Variants in DPYSL2 observed in about 807,000 individuals in gnomAD.
The protein encoded by DPYSL2 is dihydropyrimidinase-related protein 2.
In DPYSL2, 13 loss-of-function variants were observed where a neutral mutation model predicts 69.9. The observed-to-expected ratio is 0.19, with a 90% CI of 0.12 to 0.30. DPYSL2 has a LOEUF of 0.30. Ranked by LOEUF, DPYSL2 falls within the 10% of genes least tolerant of loss-of-function variation. The probability of loss-of-function intolerance (pLI) is 1.00; values close to 1 mark genes in which losing one functional copy is unlikely to be tolerated. For missense variants in DPYSL2, 587 were observed against 918.9 expected, an observed-to-expected ratio of 0.64 and a Z score of 4.67; for synonymous variants, 326 against 359.1, an observed-to-expected ratio of 0.91 and a Z score of 1.04.
At position 26,614,610 on chromosome 8, in the gene DPYSL2, C is replaced by T. The variant is rs1245078449; in HGVS notation, c.629-9533C>T. The stretch of plus-strand genomic sequence containing the variant: ...TTGTTTTATAAGCGTTTTACCAGAT[C>T]TTGGCTTAACACTTCCCCCAGAGTT... On this transcript the variant is annotated intron_variant, in intron 3 of 13. Coordinates refer to ENST00000521913, the MANE Select transcript of DPYSL2 (RefSeq NM_001197293.3). This position sits in a 1 kb window ranked among gnomAD's most constrained non-coding sequence, Gnocchi z 4.9. 6.6e-6 allele frequency among the ~76,000 whole-genome samples: 1 copy of T among 152,200 alleles called. No individual in the cohort carries two copies. Among genetic ancestry groups the T allele is most frequent in the African/African-American group, 2.4e-5 (1 of 41,448 alleles).
chr8:26,574,807 G>A (rs539230869), intron 1 of DPYSL2, among the ~76,000 whole-genome samples: 3 of 152,236 alleles, frequency 2.0e-5, no homozygotes, highest in East Asian at 3.9e-4. Flanking sequence ...GCAGTGGCAC[G>A]ATCATGGCTT....
chr8:26,583,406 T>C (rs1801531678), intron 2 of DPYSL2, among the ~76,000 whole-genome samples: 1 of 152,016 alleles, frequency 6.6e-6, no homozygotes, highest in South Asian at 2.1e-4. Flanking sequence ...AAGGATATGA[T>C]AAAAATAAAT....
At position 26,624,386 on chromosome 8, in the gene DPYSL2, G is replaced by A. The variant is rs2129905071; in HGVS notation, c.793+79G>A. 1 of 1,530,476 alleles carries A rather than the reference G, an allele frequency of 6.5e-7. No individual in the cohort carries two copies. Among genetic ancestry groups the A allele is most frequent in the Non-Finnish European group, 8.9e-7 (1 of 1,125,204 alleles). 94.8% of individuals were successfully genotyped at this position (1,530,476 alleles called of 1,614,324 possible). A position where few individuals can be genotyped will look rare whatever the true frequency, so the allele number is the denominator to read the frequency against. On this transcript the variant is annotated intron_variant, in intron 4 of 13. Transcript: ENST00000521913. This position sits in a 1 kb window ranked among gnomAD's most constrained non-coding sequence, Gnocchi z 4.7. ...ACTGGCACAGCCCTGGGAAGAAAGT[G>A]ATAATGCTTCCAGATCCCATTTGTG...
intron 1 of DPYSL2, among the ~76,000 whole-genome samples, chr8:26,553,836 C>T (rs1341816852): frequency 6.6e-6 from 1 of 151,558 alleles, no homozygotes; most frequent in Non-Finnish European, 1.5e-5. Flanking sequence ...TTTATACTCC[C>T]ACCAACAGTG....
chr8:26,559,883 A>G (rs572642374), intron 1 of DPYSL2, among the ~76,000 whole-genome samples: 1 of 152,214 alleles, frequency 6.6e-6, no homozygotes, highest in Non-Finnish European at 1.5e-5. Flanking sequence ...AAGTTTCAGT[A>G]GGAAGTCAGG....
At chr8:26,528,231 C>T (rs998320679) in intron 1 of DPYSL2, among the ~76,000 whole-genome samples, 3 of 152,146 alleles carry the variant, frequency 2.0e-5, no homozygotes, top group Non-Finnish European at 4.4e-5. Flanking sequence ...GGTCCCTTTC[C>T]AGGAGTTGTG....
At chr8:26,595,051 T>A (rs62491918) in intron 3 of DPYSL2, among the ~76,000 whole-genome samples, 2,061 of 151,574 alleles carry the variant, frequency 0.014, 23 homozygotes, top group Middle Eastern at 0.068. Flanking sequence ...AATCAATCAA[T>A]AACTAAAAAT....
At chr8:26,575,607 T>A (rs1439258447) in intron 1 of DPYSL2, among the ~76,000 whole-genome samples, 1 of 152,228 alleles carries the variant, frequency 6.6e-6, no homozygotes, top group East Asian at 1.9e-4. Flanking sequence ...TCAGTTATTA[T>A]GGACTAAGAA....
chr8:26,622,504 A>T (rs1006909024), intron 3 of DPYSL2, among the ~76,000 whole-genome samples: 2 of 69,822 alleles, frequency 2.9e-5, no homozygotes, highest in African/African-American at 1.2e-4. Flanking sequence ...GTGTATATAT[A>T]TATTTTTTTT....
intron 11 of DPYSL2, among the ~76,000 whole-genome samples, chr8:26,651,259 G>A (rs891717977): frequency 7.9e-5 from 12 of 152,182 alleles, no homozygotes; most frequent in African/African-American, 2.9e-4. Context: ...CCTGATGTGA[G>A]CTGCTGAGCT....
intron 1 of DPYSL2, among the ~76,000 whole-genome samples, chr8:26,523,378 G>A (rs1008496315): frequency 6.6e-6 from 1 of 152,046 alleles, no homozygotes; most frequent in Non-Finnish European, 1.5e-5. Context: ...GTTCAGTGAC[G>A]TTAAGTATAT....
At chr8:26,538,154 T>A (rs1156686932) in intron 1 of DPYSL2, among the ~76,000 whole-genome samples, 1 of 152,218 alleles carries the variant, frequency 6.6e-6, no homozygotes, top group Non-Finnish European at 1.5e-5. Flanking sequence ...GAGGTAGCTG[T>A]CAGATCGATT....
chr8:26,518,497 G>T (rs553178566), intron 1 of DPYSL2, among the ~76,000 whole-genome samples: 1 of 152,088 alleles, frequency 6.6e-6, no homozygotes, highest in Non-Finnish European at 1.5e-5. Context: ...CCATTTTTAA[G>T]TGCAGCTCAG....
At chr8:26,608,526 A>G (rs1158937778) in intron 3 of DPYSL2, among the ~76,000 whole-genome samples, 1 of 152,224 alleles carries the variant, frequency 6.6e-6, no homozygotes, top group South Asian at 2.1e-4. Flanking sequence ...AAGTATTTAC[A>G]TTTGTTACGG....
Position 26,514,445 on chromosome 8 carries a change from G to T in DPYSL2, c.120G>T (p.Pro40=). 6.5e-7 allele frequency: 1 copy of T among 1,527,498 alleles called. No homozygotes were observed. Among genetic ancestry groups the T allele is most frequent in the East Asian group, 2.5e-5 (1 of 40,006 alleles). 94.6% of individuals were successfully genotyped at this position (1,527,498 alleles called of 1,614,324 possible). Residue 40 remains proline (P), a synonymous_variant, in exon 1 of 14, where the codon CCG becomes CCT. Transcript: ENST00000521913. The surrounding 1 kb of genome is among the most constrained non-coding windows in gnomAD (Gnocchi z 8.4). ...AGAAATTCTGTGGCATGTTCTGCCC[G>T]GTGGAAGGGTCCTCGGAGAACAAGA... ...PRQKFCGMFC[P]VEGSSENKTI...
At chr8:26,578,712 T>A (rs1247037445) in intron 1 of DPYSL2, among the ~76,000 whole-genome samples, 2 of 152,158 alleles carry the variant, frequency 1.3e-5, no homozygotes, top group South Asian at 2.1e-4. Context: ...GATGGGGACT[T>A]GGATCCTCCC....
At chr8:26,572,679 T>C (rs568568588) in intron 1 of DPYSL2, among the ~76,000 whole-genome samples, 7 of 152,250 alleles carry the variant, frequency 4.6e-5, no homozygotes. Flanking sequence ...TTTGTATTTT[T>C]AGTAGAGATG....
Position 26,643,981 on chromosome 8 carries a change from T to C in DPYSL2, c.1315T>C (p.Cys439Arg). Residue 439 changes from cysteine (C) to arginine (R), a missense_variant, in exon 10 of 14, where the codon TGC (cysteine) becomes CGC (arginine). Transcript: ENST00000521913. The surrounding 1 kb of genome is among the most constrained non-coding windows in gnomAD (Gnocchi z 6.5). Reference protein sequence around the residue: ...GDLQVTGSAHCTFNTAQKAVG... With the variant: ...GDLQVTGSAHRTFNTAQKAVG... ...CCTCCAGGTCACGGGCAGTGCCCAT[T>C]GCACGTTTAACACTGCCCAGAAGGC... is the stretch of plus-strand genomic sequence containing the variant. 1.9e-6 allele frequency: 3 copies of C among 1,614,220 alleles called. No individual in the cohort carries two copies. The highest frequency in any genetic ancestry group is 2.5e-6 in the Non-Finnish European group (3 of 1,180,030).
At chr8:26,551,859 G>T (rs1800879632) in intron 1 of DPYSL2, among the ~76,000 whole-genome samples, 1 of 152,090 alleles carries the variant, frequency 6.6e-6, no homozygotes, top group African/African-American at 2.4e-5. Context: ...TATCTCTCAG[G>T]CTGGAGTGTA....
Sources: allele counts gnomAD v4.1 joint callset (sites outside exome capture counted in the v4.1 genomes callset), GRCh38; gene constraint gnomAD v4.1.1; non-coding constraint Gnocchi (gnomAD v3.1); transcripts MANE v1.5; gene names NCBI Gene and HGNC (gene_info 2026-07-23, HGNC 2026-07-21).